The following FBXL5 variants were observed in gnomAD, a reference collection of about 807,000 sequenced individuals.
FBXL5 encodes F-box and leucine rich repeat protein 5.
A neutral mutation model predicts 78.3 loss-of-function variants in FBXL5; 26 were observed. That is an observed-to-expected ratio of 0.33 (90% CI 0.24 to 0.46). FBXL5 has a LOEUF of 0.46. Ranked by LOEUF, FBXL5 falls within the 20% of genes least tolerant of loss-of-function variation. The probability of loss-of-function intolerance (pLI) is 1.00; values close to 1 mark genes in which losing one functional copy is unlikely to be tolerated. For synonymous variants in FBXL5, 295 were observed against 282.5 expected (o/e 1.04, Z -0.45); for missense variants, 710 against 829.2 (o/e 0.86, Z 1.77).
At chr4:15,628,220 A>G (rs1713266287) in intron 6 of FBXL5, among the ~76,000 whole-genome samples, 187 bp from the exon 7 acceptor site, 1 of 152,230 alleles carries the variant, frequency 6.6e-6, no homozygotes, top group South Asian at 2.1e-4. Flanking sequence ...GAACAGCAAA[A>G]GTTTTCAAGA....
chr4:15,624,960 C>T (rs1411294053), intron 9 of FBXL5, among the ~76,000 whole-genome samples: 1 of 152,204 alleles, frequency 6.6e-6, no homozygotes, highest in Non-Finnish European at 1.5e-5. Context: ...ATTGTACCTT[C>T]TTCATCCACT....
At chr4:15,670,737 G>C (rs79809580) in intron 1 of FBXL5, among the ~76,000 whole-genome samples, 2,606 of 151,822 alleles carry the variant, frequency 0.017, 76 homozygotes, top group African/African-American at 0.059. Context: ...TTAGCCTGCA[G>C]GCAGTAAAAT....
upstream of FBXL5, among the ~76,000 whole-genome samples, chr4:15,663,229 A>G (rs1181768827): frequency 1.3e-5 from 2 of 152,206 alleles, no homozygotes; most frequent in South Asian, 4.1e-4. Context: ...CATTGATAAT[A>G]GTCATTCATT....
chr4:15,648,717 G>GA (rs1486675743), intron 1 of FBXL5, among the ~76,000 whole-genome samples: 1 of 152,130 alleles, frequency 6.6e-6, no homozygotes, highest in Non-Finnish European at 1.5e-5. Flanking sequence ...AGGGGATGGA[G>GA]AAAATGGGGA....
chr4:15,636,441 G>C, intron 5 of FBXL5, 53 bp downstream of exon 5: 1 of 1,356,486 alleles, frequency 7.4e-7, no homozygotes, highest in Non-Finnish European at 9.8e-7. Context: ...TAATGTAAAT[G>C]AATATTCATC....
chr4:15,657,887 T>C (rs1446030515), upstream of FBXL5, among the ~76,000 whole-genome samples: 2 of 152,168 alleles, frequency 1.3e-5, no homozygotes, highest in African/African-American at 4.8e-5. Flanking sequence ...TGAGACCTTT[T>C]TGGATGTATG....
chr4:15,616,383 T>TTACTCCTGCCATG (rs1553848025), intron 9 of FBXL5, among the ~76,000 whole-genome samples: 1 of 151,862 alleles, frequency 6.6e-6, no homozygotes, highest in Non-Finnish European at 1.5e-5. Flanking sequence ...AAGGCAGGTC[T>TTACTCCTGCCATG]CACCCCCAAC....
intron 4 of FBXL5, among the ~76,000 whole-genome samples, chr4:15,637,064 C>A (rs1046360104): frequency 2.0e-5 from 3 of 152,142 alleles, no homozygotes; most frequent in Non-Finnish European, 2.9e-5. Flanking sequence ...ATGAGATCTC[C>A]AAGGCATTTT....
chr4:15,632,167 T>C (rs559153197), intron 5 of FBXL5, among the ~76,000 whole-genome samples: 29 of 152,362 alleles, frequency 1.9e-4, no homozygotes, highest in African/African-American at 7.0e-4. Flanking sequence ...ATTTATTACA[T>C]AGGGAATCCT....
chr4:15,649,346 G>A (rs554859053), intron 1 of FBXL5, among the ~76,000 whole-genome samples: 1 of 152,004 alleles, frequency 6.6e-6, no homozygotes, highest in East Asian at 1.9e-4. Context: ...TTGGGAGGCC[G>A]AGGCAGGCGG....
intron 5 of FBXL5, among the ~76,000 whole-genome samples, chr4:15,634,972 C>T (rs983994441): frequency 7.2e-5 from 11 of 151,958 alleles, no homozygotes; most frequent in Admixed American, 4.6e-4. Context: ...ATTATTTAGA[C>T]GATATAAGTC....
Position 15,627,912 on chromosome 4 carries a change from T to C in FBXL5, c.1014A>G (p.Ala338=). The C allele has an allele frequency of 6.2e-7, 1 of 1,613,596 alleles. No homozygotes were observed. Among genetic ancestry groups the C allele is most frequent in the South Asian group, 1.1e-5 (1 of 91,026 alleles). Residue 338 remains alanine (A), a synonymous_variant, in exon 7 of 11, where the codon GCA becomes GCG. Transcript: ENST00000341285. ...TTTTGCTGGAAACTGCAGAGCTGTA[T>C]GCTAATACTAAGGTTTTTACAGAAG... ...VGTSVKTLVL[A]YSSAVSSKMV...
chr4:15,642,636 CTAA>C (rs1176168850), intron 2 of FBXL5, among the ~76,000 whole-genome samples: 1 of 152,192 alleles, frequency 6.6e-6, no homozygotes, highest in Admixed American at 6.5e-5. Flanking sequence ...AATATTCAGT[CTAA>C]TGTCCTGTTC....
In FBXL5 at chr4:15,631,523, C is replaced by T. The variant is rs1188583623; in HGVS notation, c.767-732G>A. 3.3e-5 allele frequency among the ~76,000 whole-genome samples: 5 copies of T among 152,212 alleles called. No individual in the cohort carries two copies. In the East Asian group the frequency reaches 9.6e-4, roughly 29 times the overall value. On this transcript the variant is annotated intron_variant, in intron 5 of 10. Coordinates refer to ENST00000341285, the MANE Select transcript of FBXL5 (RefSeq NM_012161.4). ...CTTCCACAATGGCTGAACTAATTTA[C>T]ACTCCCACCAACAGTGTAAAAGTGT...
At chr4:15,609,837 ATAAC>A (rs559190550) in intron 10 of FBXL5, among the ~76,000 whole-genome samples, 95 of 152,174 alleles carry the variant, frequency 6.2e-4, no homozygotes, top group African/African-American at 1.9e-3. Flanking sequence ...TGAATATATG[ATAAC>A]TAACTTATTA....
At chr4:15,680,675 C>A in intron 1 of FBXL5, among the ~76,000 whole-genome samples, 1 of 149,986 alleles carries the variant, frequency 6.7e-6, no homozygotes. Flanking sequence ...GACTCCGTCT[C>A]AAAAATTAAA....
chr4:15,612,336 G>T lies in FBXL5; in HGVS notation c.1929C>A (p.Gly643=), dbSNP rs752135330. The T allele has an allele frequency of 6.2e-7, 1 of 1,612,622 alleles. No homozygotes were observed. The highest frequency in any genetic ancestry group is 2.2e-5 in the East Asian group (1 of 44,818). The part of the protein sequence containing the change: ...LSGCLTITGA[G]LQDLVSACPS... ...GACATGCTGAAACCAAATCCTGCAG[G>T]CCTGCACCAGTTATAGTAAGACAAC... The change falls in exon 10 of 11, where the codon GGC becomes GGA. Residue 643 remains glycine, a synonymous_variant. Coordinates refer to ENST00000341285, the MANE Select transcript of FBXL5 (RefSeq NM_012161.4).
intron 1 of FBXL5, among the ~76,000 whole-genome samples, chr4:15,646,384 T>C (rs887224011): frequency 6.7e-6 from 1 of 149,810 alleles, no homozygotes; most frequent in African/African-American, 2.5e-5. Flanking sequence ...TTTTAAATCA[T>C]AAGAAATGCC....
At chr4:15,664,400 G>T (rs1717443361), upstream of FBXL5, among the ~76,000 whole-genome samples, 1 of 151,876 alleles carries the variant, frequency 6.6e-6, no homozygotes, top group Non-Finnish European at 1.5e-5. Context: ...AATCATATTG[G>T]CACACTAATT....
Sources: gnomAD v4.1 joint callset for allele counts (sites outside exome capture counted in the v4.1 genomes callset) on GRCh38, gnomAD v4.1.1 for gene constraint, MANE v1.5 for transcripts, NCBI Gene and HGNC (gene_info 2026-07-23, HGNC 2026-07-21) for gene names.